The following HADHB variants were observed in gnomAD, a reference collection of about 807,000 sequenced individuals.
The protein encoded by HADHB is trifunctional enzyme subunit beta, mitochondrial.
In HADHB, 50 loss-of-function variants were observed where a neutral mutation model predicts 61.9. That is an observed-to-expected ratio of 0.81 (90% CI 0.64 to 1.02). HADHB has a LOEUF of 1.02. HADHB is among the 50% of genes least tolerant of loss of function. The probability of loss-of-function intolerance (pLI) is 0.00; values close to 1 mark genes in which losing one functional copy is unlikely to be tolerated. For missense variants in HADHB, 504 were observed against 586.5 expected (o/e 0.86, Z 1.45); for synonymous variants, 191 against 201.6 (o/e 0.95, Z 0.45).
intron 5 of HADHB, among the ~76,000 whole-genome samples, chr2:26,273,025 G>A (rs1371683106): frequency 3.3e-5 from 5 of 151,902 alleles, no homozygotes; most frequent in Non-Finnish European, 7.4e-5. Context: ...GGAGGTTGCA[G>A]TGAGCCGAGA....
intron 3 of HADHB, among the ~76,000 whole-genome samples, chr2:26,259,882 G>A (rs1258608227): frequency 2.0e-5 from 3 of 152,096 alleles, no homozygotes; most frequent in Non-Finnish European, 4.4e-5. Flanking sequence ...AGGCAGATGG[G>A]AGGTCCATAA....
At chr2:26,260,784 T>C in intron 3 of HADHB, 1 of 542,206 alleles carries the variant, frequency 1.8e-6, no homozygotes, top group South Asian at 2.3e-5. Context: ...AGCTACTTTG[T>C]CTCACACACC....
At chr2:26,268,985 A>G (rs1574655046) in intron 4 of HADHB, among the ~76,000 whole-genome samples, 1 of 151,944 alleles carries the variant, frequency 6.6e-6, no homozygotes, top group South Asian at 2.1e-4. Flanking sequence ...CATCTCTACT[A>G]AAAATACAAA....
chr2:26,253,523 G>A (rs1265619595), intron 1 of HADHB, among the ~76,000 whole-genome samples: 1 of 152,072 alleles, frequency 6.6e-6, no homozygotes, highest in East Asian at 1.9e-4. Flanking sequence ...TAAAGGAGAG[G>A]AGCACACACT....
intron 4 of HADHB, among the ~76,000 whole-genome samples, chr2:26,267,830 G>T (rs960475115): frequency 6.6e-6 from 1 of 150,574 alleles, no homozygotes; most frequent in Non-Finnish European, 1.5e-5. Context: ...CTTCCTTACA[G>T]AAGAATTTTG....
chr2:26,252,930 A>G (rs990471941), intron 1 of HADHB, among the ~76,000 whole-genome samples: 1 of 152,250 alleles, frequency 6.6e-6, no homozygotes, highest in Admixed American at 6.5e-5. Flanking sequence ...GCAGCAGTAT[A>G]TGAGAATATC....
At chr2:26,265,844 A>G (rs981828788) in intron 4 of HADHB, among the ~76,000 whole-genome samples, 1 of 152,180 alleles carries the variant, frequency 6.6e-6, no homozygotes, top group Non-Finnish European at 1.5e-5. Flanking sequence ...GATAGTGAAT[A>G]GGGAAGAAAG....
intron 1 of HADHB, among the ~76,000 whole-genome samples, chr2:26,246,116 A>G (rs1671145704): frequency 6.6e-6 from 1 of 152,198 alleles, no homozygotes. Flanking sequence ...TTCTGAATAA[A>G]TTGCAAAAAG....
intron 5 of HADHB, among the ~76,000 whole-genome samples, chr2:26,272,909 C>G (rs1158425446): frequency 6.6e-6 from 1 of 151,854 alleles, no homozygotes; most frequent in East Asian, 2.0e-4. Flanking sequence ...CATGGTGAAC[C>G]CTGTTTCTAC....
At chr2:26,254,895 G>A (rs1056403553) in intron 3 of HADHB, 1 of 195,444 alleles carries the variant, frequency 5.1e-6, no homozygotes, top group African/African-American at 2.4e-5. Flanking sequence ...CCATGTGCAA[G>A]AGGGCCCATT....
chr2:26,281,527 G>A (rs1299381772), intron 10 of HADHB, among the ~76,000 whole-genome samples: 1 of 152,152 alleles, frequency 6.6e-6, no homozygotes, highest in East Asian at 1.9e-4. Context: ...ATGTGGCATG[G>A]ACTACACTTG....
intron 4 of HADHB, among the ~76,000 whole-genome samples, chr2:26,267,771 CAAAAAAAAAA>C: frequency 1.5e-5 from 1 of 67,466 alleles, no homozygotes; most frequent in Admixed American, 1.4e-4. Context: ...GACTCTGTCT[CAAAAAAAAAA>C]AAAAAAAAGA....
At chr2:26,282,960 CT>C in intron 11 of HADHB, 36 bp downstream of exon 11, 3 of 1,592,076 alleles carry the variant, frequency 1.9e-6, no homozygotes, top group Non-Finnish European at 2.6e-6. Context: ...TCTCTGATTT[CT>C]TTATTTTATT....
At chr2:26,257,906 C>T (rs550585688) in intron 3 of HADHB, among the ~76,000 whole-genome samples, 2 of 152,040 alleles carry the variant, frequency 1.3e-5, no homozygotes, top group African/African-American at 2.4e-5. Flanking sequence ...GTAATCCCAG[C>T]TACTTGGGAG....
intron 9 of HADHB, 99 bp downstream of exon 9, chr2:26,279,414 G>A: frequency 2.4e-6 from 2 of 850,420 alleles, no homozygotes; most frequent in Admixed American, 1.8e-5. Context: ...TGTTGGTTCT[G>A]TTTCCAAAGT....
intron 1 of HADHB, among the ~76,000 whole-genome samples, chr2:26,252,634 A>G (rs535695251): frequency 1.3e-5 from 2 of 152,364 alleles, no homozygotes; most frequent in African/African-American, 4.8e-5. Context: ...TTAATGATAC[A>G]GCTTAAAATG....
At chr2:26,284,563 A>G (rs1574668958) in intron 13 of HADHB, among the ~76,000 whole-genome samples, 1 of 151,808 alleles carries the variant, frequency 6.6e-6, no homozygotes, top group Non-Finnish European at 1.5e-5. Flanking sequence ...TCCAGGTTCA[A>G]GCAATTTTCT....
chr2:26,259,735 T>G, intron 3 of HADHB, among the ~76,000 whole-genome samples: 1 of 152,256 alleles, frequency 6.6e-6, no homozygotes, highest in East Asian at 1.9e-4. Context: ...GAATGGCCAG[T>G]GTGCCCTAGA....
intron 6 of HADHB, among the ~76,000 whole-genome samples, chr2:26,274,913 T>G (rs1672483237): frequency 6.6e-6 from 1 of 152,226 alleles, no homozygotes; most frequent in Non-Finnish European, 1.5e-5. Context: ...TGTTTCCATT[T>G]TCTCTGTAAT....
Sources: gnomAD v4.1 joint callset for allele counts (sites outside exome capture counted in the v4.1 genomes callset) on GRCh38, gnomAD v4.1.1 for gene constraint, MANE v1.5 for transcripts, NCBI Gene and HGNC (gene_info 2026-07-23, HGNC 2026-07-21) for gene names.